The following HS3ST4 variants were observed in gnomAD, a reference collection of about 807,000 sequenced individuals.
The protein encoded by HS3ST4 is heparan sulfate-glucosamine 3-sulfotransferase 4.
In HS3ST4, 17 loss-of-function variants were observed where a neutral mutation model predicts 29.2. That is an observed-to-expected ratio of 0.58 (90% CI 0.40 to 0.87). The LOEUF is 0.87. Among genes scored for constraint, HS3ST4 ranks in the 40% least tolerant of loss-of-function variants. The pLI, the probability that HS3ST4 is intolerant of heterozygous loss-of-function variation, is 0.00. For missense variants in HS3ST4, 627 were observed against 634.5 expected (o/e 0.99, Z 0.13); for synonymous variants, 314 against 285.7 (o/e 1.10, Z -1.00).
intron 1 of HS3ST4, among the ~76,000 whole-genome samples, chr16:25,896,622 C>T (rs947453500): frequency 2.6e-5 from 4 of 151,986 alleles, no homozygotes; most frequent in African/African-American, 9.7e-5. Flanking sequence ...ATTATTCAAC[C>T]CAGCAATCCC....
At chr16:26,116,397 C>T (rs138504015) in intron 1 of HS3ST4, among the ~76,000 whole-genome samples, 166 of 152,296 alleles carry the variant, frequency 1.1e-3, no homozygotes, top group African/African-American at 3.8e-3. Flanking sequence ...CCTGATCACA[C>T]CCGCATTCAA....
chr16:25,829,211 A>T (rs1967269282), intron 1 of HS3ST4, among the ~76,000 whole-genome samples: 1 of 152,208 alleles, frequency 6.6e-6, no homozygotes, highest in South Asian at 2.1e-4. Flanking sequence ...CTTCATGGAG[A>T]CTTGCCTAGA....
At chr16:25,828,182 CTCTTTCTTTCTTT>C (rs889045737) in intron 1 of HS3ST4, among the ~76,000 whole-genome samples, 2 of 130,998 alleles carry the variant, frequency 1.5e-5, no homozygotes, top group African/African-American at 5.6e-5. Flanking sequence ...CTCTCTCTTT[CTCTTTCTTTCTTT>C]TCTTTCTTTC....
intron 1 of HS3ST4, among the ~76,000 whole-genome samples, chr16:25,895,929 A>T (rs551150011): frequency 6.6e-6 from 1 of 152,326 alleles, no homozygotes; most frequent in East Asian, 1.9e-4. Flanking sequence ...AACAGTGGAC[A>T]AGGGGACAGA....
At chr16:26,127,310 C>T (rs1309341100) in intron 1 of HS3ST4, among the ~76,000 whole-genome samples, 2 of 152,196 alleles carry the variant, frequency 1.3e-5, no homozygotes, top group Non-Finnish European at 2.9e-5. Context: ...TGCCTTAAGA[C>T]CTGGTGAACT....
intron 1 of HS3ST4, among the ~76,000 whole-genome samples, chr16:25,873,377 G>GCCA (rs1967780526): frequency 2.3e-5 from 1 of 43,674 alleles, no homozygotes; most frequent in Non-Finnish European, 4.5e-5. Flanking sequence ...AAGCCATCCA[G>GCCA]TCATCCATCC....
chr16:25,951,529 C>A (rs1165843959), intron 1 of HS3ST4, among the ~76,000 whole-genome samples: 1 of 152,130 alleles, frequency 6.6e-6, no homozygotes, highest in Non-Finnish European at 1.5e-5. Flanking sequence ...GTACTATACA[C>A]CCAAATGGCA....
At chr16:25,782,459 T>A (rs1378061268) in intron 1 of HS3ST4, among the ~76,000 whole-genome samples, 1 of 152,238 alleles carries the variant, frequency 6.6e-6, no homozygotes, top group Admixed American at 6.5e-5. Flanking sequence ...GACAGCTCTC[T>A]CTAGCTCATG....
At chr16:26,097,821 T>G (rs1256434036) in intron 1 of HS3ST4, among the ~76,000 whole-genome samples, 2 of 152,176 alleles carry the variant, frequency 1.3e-5, no homozygotes. Flanking sequence ...AGAAAATGTT[T>G]GCAATCTACC....
chr16:25,870,167 CCCATCCATCCATCCACCCAT>C (rs1967735078), intron 1 of HS3ST4, among the ~76,000 whole-genome samples: 2 of 151,878 alleles, frequency 1.3e-5, no homozygotes, highest in East Asian at 1.9e-4. Flanking sequence ...CCATCATTTG[CCCATCCATCCATCCACCCAT>C]CCATCCATCC....
chr16:25,828,732 GCTCCTACT>G lies in HS3ST4; in HGVS notation c.734+135582_734+135589del, dbSNP rs547078336. Among the ~76,000 whole-genome samples the G allele has an allele frequency of 3.6e-3, 553 of 152,228 alleles. 5 individuals carry two copies. The highest frequency in any genetic ancestry group is 0.02 in the Middle Eastern group (6 of 294). ...CATGTGCAAACATACTTGAGGTTCA[GCTCCTACT>G]TATAAGTGAGAACATGTGCTATTTG... On this transcript the variant is annotated intron_variant, in intron 1 of 1. Transcript: ENST00000331351.
intron 1 of HS3ST4, among the ~76,000 whole-genome samples, chr16:25,708,981 C>T (rs1596549509): frequency 6.6e-6 from 1 of 152,146 alleles, no homozygotes. Flanking sequence ...GGCTAGAATT[C>T]CTCTGGTTAT....
Position 25,922,084 on chromosome 16 carries a change from G to C in HS3ST4, c.735-213528G>C, listed in dbSNP as rs571105759. Among the ~76,000 whole-genome samples, 25 of 152,278 alleles carry C rather than the reference G, an allele frequency of 1.6e-4. No homozygotes were observed. In the South Asian group the frequency reaches 2.9e-3, roughly 18 times the overall value. ...CTAAGTTTTGACTCACCCATGGCTA[G>C]AACAAGCTAATGGCCATGGGCTGAC... is the stretch of plus-strand genomic sequence containing the variant. On this transcript the variant is annotated intron_variant, in intron 1 of 1. Coordinates refer to ENST00000331351, the MANE Select transcript of HS3ST4 (RefSeq NM_006040.3).
At chr16:25,929,064 G>A (rs972846688) in intron 1 of HS3ST4, among the ~76,000 whole-genome samples, 2 of 152,168 alleles carry the variant, frequency 1.3e-5, no homozygotes, top group Non-Finnish European at 2.9e-5. Context: ...AAGCAACCCT[G>A]TTTGGCAGAT....
At chr16:25,967,504 T>G (rs1968853999) in intron 1 of HS3ST4, among the ~76,000 whole-genome samples, 1 of 152,232 alleles carries the variant, frequency 6.6e-6, no homozygotes, top group African/African-American at 2.4e-5. Flanking sequence ...TTTTATTTTA[T>G]AAATCATGCA....
intron 1 of HS3ST4, among the ~76,000 whole-genome samples, chr16:25,925,520 C>G (rs1968393459): frequency 6.6e-6 from 1 of 152,092 alleles, no homozygotes; most frequent in African/African-American, 2.4e-5. Flanking sequence ...CAAATGCAGC[C>G]CCAACTCTAA....
At chr16:25,997,264 C>G (rs1969166240) in intron 1 of HS3ST4, among the ~76,000 whole-genome samples, 1 of 152,116 alleles carries the variant, frequency 6.6e-6, no homozygotes, top group Non-Finnish European at 1.5e-5. Flanking sequence ...TGCTTTGTTT[C>G]TGATTTCAAT....
At chr16:25,934,831 G>C (rs575450109) in intron 1 of HS3ST4, among the ~76,000 whole-genome samples, 1 of 152,234 alleles carries the variant, frequency 6.6e-6, no homozygotes, top group East Asian at 1.9e-4. Context: ...GCAAAATTGA[G>C]TGGAAGATAC....
intron 1 of HS3ST4, among the ~76,000 whole-genome samples, chr16:25,955,859 G>C (rs1013015079): frequency 6.7e-6 from 1 of 148,494 alleles, no homozygotes; most frequent in Non-Finnish European, 1.5e-5. Context: ...CTGTCTCCCA[G>C]GTTGGAGTGC....
Sources: gnomAD v4.1 joint callset for allele counts (sites outside exome capture counted in the v4.1 genomes callset) on GRCh38, gnomAD v4.1.1 for gene constraint, MANE v1.5 for transcripts, NCBI Gene and HGNC (gene_info 2026-07-23, HGNC 2026-07-21) for gene names.